Variants in BMP2 observed in about 807,000 individuals in gnomAD.
The protein encoded by BMP2 is bone morphogenetic protein 2.
BMP2 carries 2 observed loss-of-function variants against 28.8 expected under a neutral mutation model. The observed-to-expected ratio is 0.07, with a 90% CI of 0.03 to 0.22. The LOEUF is 0.22. Ranked by LOEUF, BMP2 falls within the 10% of genes least tolerant of loss-of-function variation. The pLI is 1.00. For missense variants in BMP2, 437 were observed against 517.7 expected, an observed-to-expected ratio of 0.84 and a Z score of 1.51; for synonymous variants, 218 against 204.3, an observed-to-expected ratio of 1.07 and a Z score of -0.57.
In BMP2 at chr20:6,778,143, C is replaced by T. The variant is rs972547829; in HGVS notation, c.347-102C>T. The T allele has an allele frequency of 4.7e-6, 7 of 1,483,810 alleles. No homozygotes were observed. The African/African-American group carries it at 5.6e-5, about 12-fold the overall frequency. The allele number at this position is 1,483,810 out of a possible 1,614,324, so 91.9% of individuals were successfully genotyped here. On this transcript the variant is annotated intron_variant, in intron 2 of 2. Coordinates refer to ENST00000378827, the MANE Select transcript of BMP2 (RefSeq NM_001200.4). This position sits in a 1 kb window ranked among gnomAD's most constrained non-coding sequence, Gnocchi z 5.0. ...TTTACATGGGTTACATCAAATCCCA[C>T]GATGAGGTTTAAAAATTCTCATAGA...
chr20:6,774,419 G>A (rs1986459109), intron 2 of BMP2, among the ~76,000 whole-genome samples: 1 of 152,110 alleles, frequency 6.6e-6, no homozygotes, highest in Non-Finnish European at 1.5e-5. Flanking sequence ...CGAGCTAATT[G>A]GGAGGCTGAG....
chr20:6,770,351 G>A lies in BMP2; in HGVS notation c.225G>A (p.Val75=). ...QRPTPSRDAV[V]PPYMLDLYRR... is the part of the protein sequence containing the mutation. ...CCACCCCCAGCAGGGACGCCGTGGT[G>A]CCCCCCTACATGCTAGACCTGTATC... The change falls in exon 2 of 3, where the codon GTG becomes GTA. Residue 75 remains valine (V), a synonymous_variant. Transcript: ENST00000378827. The A allele has an allele frequency of 1.2e-6, 2 of 1,613,416 alleles. No individual in the cohort carries two copies. The highest frequency in any genetic ancestry group is 2.2e-5 in the South Asian group (2 of 91,080).
At chr20:6,777,161 A>G (rs781107787) in intron 2 of BMP2, among the ~76,000 whole-genome samples, 2 of 152,172 alleles carry the variant, frequency 1.3e-5, no homozygotes, top group Non-Finnish European at 2.9e-5. Context: ...GTTATATATT[A>G]CTTGCTTGGA....
At position 6,768,460 on chromosome 20, in the gene BMP2, T is replaced by C. The variant is rs1422635743; in HGVS notation, c.-423T>C. Reference sequence around the variant, plus strand: ...GGCCACGCGTCCCTCGGGCGCTGGTTCCTAAGGAGGACGACAGCACCAGCT... The same window carrying C: ...GGCCACGCGTCCCTCGGGCGCTGGTCCCTAAGGAGGACGACAGCACCAGCT... On this transcript the variant is annotated 5_prime_UTR_variant, in exon 1 of 3. Transcript: ENST00000378827. The C allele has an allele frequency of 3.1e-5, 12 of 392,690 alleles. No homozygotes were observed. The Admixed American group carries it at 5.3e-4, about 17-fold the overall frequency. 24.3% of individuals were successfully genotyped at this position (392,690 alleles called of 1,614,324 possible). A position where few individuals can be genotyped will look rare whatever the true frequency, so the allele number is the denominator to read the frequency against.
intron 2 of BMP2, among the ~76,000 whole-genome samples, chr20:6,771,367 C>T (rs1986395078): frequency 6.6e-6 from 1 of 152,194 alleles, no homozygotes; most frequent in Non-Finnish European, 1.5e-5. Context: ...TCTTTTTCTA[C>T]ACTTTTAAAT....
At chr20:6,774,245 G>A (rs895102015) in intron 2 of BMP2, among the ~76,000 whole-genome samples, 1 of 151,970 alleles carries the variant, frequency 6.6e-6, no homozygotes, top group Non-Finnish European at 1.5e-5. Flanking sequence ...TTGGGAACTG[G>A]CTGGGCATGA....
rs1283783387 is a variant in BMP2, at chr20:6,770,490, G to C, written c.346+18G>C. On this transcript the variant is annotated intron_variant, in intron 2 of 2. Transcript: ENST00000378827. Reference sequence around the variant, plus strand: ...CCATGAAGGTGAGGCATGGAGCAGGGCGTGGGGGCGGGGAGTCACCCTGCA... The same window carrying C: ...CCATGAAGGTGAGGCATGGAGCAGGCCGTGGGGGCGGGGAGTCACCCTGCA... 6.4e-7 allele frequency: 1 copy of C among 1,562,364 alleles called. No individual in the cohort carries two copies. Among genetic ancestry groups the C allele is most frequent in the Admixed American group, 1.8e-5 (1 of 56,540 alleles).
At position 6,771,590 on chromosome 20, in the gene BMP2, T is replaced by G. The variant is rs186443000; in HGVS notation, c.346+1118T>G. On this transcript the variant is annotated intron_variant, in intron 2 of 2. Transcript: ENST00000378827. ...TAATGGGAAATGGCACTTCCAGATG[T>G]TTTCTCCCAGTGTGAAGGGTGACTT... Among the ~76,000 whole-genome samples, 7 of 152,314 alleles carry G rather than the reference T, an allele frequency of 4.6e-5. No individual in the cohort carries two copies. The East Asian group carries it at 1.4e-3, about 29-fold the overall frequency.
intron 2 of BMP2, among the ~76,000 whole-genome samples, chr20:6,772,976 T>C (rs184962513): frequency 1.1e-4 from 16 of 152,242 alleles, no homozygotes; most frequent in Middle Eastern, 3.4e-3. Context: ...AAAGAGTGTT[T>C]TGTGTATTGC....
At chr20:6,771,517 C>T (rs1268658920) in intron 2 of BMP2, among the ~76,000 whole-genome samples, 1 of 152,118 alleles carries the variant, frequency 6.6e-6, no homozygotes, top group East Asian at 1.9e-4. Flanking sequence ...TTGCCTTTCC[C>T]TGCTTAGGTG....
At chr20:6,776,265 G>A (rs575662747) in intron 2 of BMP2, among the ~76,000 whole-genome samples, 17 of 152,168 alleles carry the variant, frequency 1.1e-4, no homozygotes, top group African/African-American at 3.4e-4. Context: ...GATCCTGAAA[G>A]GTATTCCCCA....
In BMP2 at chr20:6,768,284, G is replaced by C. The variant is rs1346479426; in HGVS notation, c.-599G>C. ...ACTGGAGTAAGGCAGAGTGATGCGG[G>C]GGGGCAACTCGCCTGGCACCGAGAT... On this transcript the variant is annotated 5_prime_UTR_variant, in exon 1 of 3. Coordinates refer to ENST00000378827, the MANE Select transcript of BMP2 (RefSeq NM_001200.4). The C allele has an allele frequency of 5.0e-6, 2 of 397,960 alleles. No individual in the cohort carries two copies. Among genetic ancestry groups the C allele is most frequent in the Non-Finnish European group, 8.9e-6 (2 of 225,772 alleles). 24.7% of individuals were successfully genotyped at this position (397,960 alleles called of 1,614,324 possible). A position where few individuals can be genotyped will look rare whatever the true frequency, so the allele number is the denominator to read the frequency against.
Position 6,778,456 on chromosome 20 carries a change from C to A in BMP2, c.558C>A (p.Phe186Leu). 1 of 1,614,174 alleles carries A rather than the reference C, an allele frequency of 6.2e-7. No individual in the cohort carries two copies. ...AACCTGCAACAGCCAACTCGAAATT[C>A]CCCGTGACCAGACTTTTGGACACCA... ...IIKPATANSK[F>L]PVTRLLDTRL... Residue 186 changes from phenylalanine (F) to leucine (L), a missense_variant, in exon 3 of 3, where the codon TTC becomes TTA. Transcript: ENST00000378827. The surrounding 1 kb of genome is among the most constrained non-coding windows in gnomAD (Gnocchi z 5.0).
chr20:6,770,512 T>C, intron 2 of BMP2, 40 bp downstream of exon 2: 1 of 1,534,422 alleles, frequency 6.5e-7, no homozygotes, highest in Non-Finnish European at 8.8e-7. Context: ...GGAGTCACCC[T>C]GCAAAGCCCT....
At position 6,779,131 on chromosome 20, in the gene BMP2, T is replaced by TAC; in HGVS notation, c.*42_*43insAC. On this transcript the variant is annotated 3_prime_UTR_variant, in exon 3 of 3. Transcript: ENST00000378827. ...ACATAAATATATATATATATATATA[T>TAC]TTTAGAAAAAAGAAAAAAACAAACA... 1.0e-6 allele frequency: 1 copy of TAC among 984,612 alleles called. No individual in the cohort carries two copies. Among genetic ancestry groups the TAC allele is most frequent in the Non-Finnish European group, 1.3e-6 (1 of 777,700 alleles). 61.0% of individuals were successfully genotyped at this position (984,612 alleles called of 1,614,324 possible). A position where few individuals can be genotyped will look rare whatever the true frequency, so the allele number is the denominator to read the frequency against.
chr20:6,770,170 A>G lies in BMP2; in HGVS notation c.44A>G (p.Gln15Arg). 1 of 1,579,116 alleles carries G rather than the reference A, an allele frequency of 6.3e-7. No homozygotes were observed. The highest frequency in any genetic ancestry group is 8.6e-7 in the Non-Finnish European group (1 of 1,162,932). The change falls in exon 2 of 3, where the codon CAG becomes CGG. Residue 15 changes from glutamine (Q) to arginine (R), a missense_variant. This residue lies in a region of BMP2 where 363 missense variants were observed against 392.8 expected (regional missense o/e 0.92). Coordinates refer to ENST00000378827, the MANE Select transcript of BMP2 (RefSeq NM_001200.4). ...TGTCTTCTAGCGTTGCTGCTTCCCC[A>G]GGTCCTCCTGGGCGGCGCGGCTGGC... ...TRCLLALLLP[Q>R]VLLGGAAGLV...
At chr20:6,773,315 C>CA (rs1277742856) in intron 2 of BMP2, among the ~76,000 whole-genome samples, 4 of 152,194 alleles carry the variant, frequency 2.6e-5, no homozygotes, top group Non-Finnish European at 5.9e-5. Flanking sequence ...ATAGATCCAC[C>CA]AAAACCAATA....
At chr20:6,776,677 G>T (rs961436839) in intron 2 of BMP2, among the ~76,000 whole-genome samples, 1 of 152,218 alleles carries the variant, frequency 6.6e-6, no homozygotes, top group Non-Finnish European at 1.5e-5. Context: ...GCTGTTTTAT[G>T]TGAAGGCTGA....
chr20:6,770,163 C>A lies in BMP2; in HGVS notation c.37C>A (p.Leu13Ile). The A allele has an allele frequency of 1.3e-6, 2 of 1,573,374 alleles. No individual in the cohort carries two copies. The highest frequency in any genetic ancestry group is 1.7e-6 in the Non-Finnish European group (2 of 1,159,972). The change falls in exon 2 of 3, where the codon CTT becomes ATT. Residue 13 changes from leucine to isoleucine, a missense_variant. By Grantham distance (5) the Leu-to-Ile change is conservative. Coordinates refer to ENST00000378827, the MANE Select transcript of BMP2 (RefSeq NM_001200.4). Reference protein sequence around the residue: ...AGTRCLLALLLPQVLLGGAAG... With the variant: ...AGTRCLLALLIPQVLLGGAAG... ...GACCCGCTGTCTTCTAGCGTTGCTG[C>A]TTCCCCAGGTCCTCCTGGGCGGCGC...
Sources: gnomAD v4.1 joint callset for allele counts (sites outside exome capture counted in the v4.1 genomes callset) on GRCh38, gnomAD v4.1.1 for gene constraint, gnomAD v4.1.1 regional missense constraint, Gnocchi (gnomAD v3.1) non-coding constraint, MANE v1.5 for transcripts, NCBI Gene and HGNC (gene_info 2026-07-23, HGNC 2026-07-21) for gene names.